ANKRD30BL: variants seen among roughly 807,000 people sequenced by gnomAD.
The protein encoded by ANKRD30BL is putative ankyrin repeat domain-containing protein 30B-like.
ANKRD30BL carries 20 observed loss-of-function variants against 18.4 expected under a neutral mutation model. The observed-to-expected ratio is 1.09, with a 90% confidence interval of 0.77 to 1.58. The LOEUF (loss-of-function observed/expected upper bound fraction) is 1.58. Ranked by LOEUF, ANKRD30BL falls within the 40% of genes most tolerant of loss-of-function variation. ANKRD30BL has a pLI of 0.00. For missense variants in ANKRD30BL, 224 were observed against 268.6 expected, an observed-to-expected ratio of 0.83 and a Z score of 1.16; for synonymous variants, 72 against 100.9, an observed-to-expected ratio of 0.71 and a Z score of 1.72.
At chr2:132,247,203 T>A (rs1247796090) in intron 1 of ANKRD30BL, among the ~76,000 whole-genome samples, 2 of 151,518 alleles carry the variant, frequency 1.3e-5, no homozygotes, top group African/African-American at 4.8e-5. Context: ...GATGTCTGCA[T>A]TCAACTCACA....
intron 1 of ANKRD30BL, among the ~76,000 whole-genome samples, chr2:132,217,798 G>A (rs1679550160): frequency 6.6e-6 from 1 of 152,290 alleles, no homozygotes; most frequent in Admixed American, 6.5e-5. Flanking sequence ...CTAGACAGAA[G>A]CATTCTCAGA....
intron 1 of ANKRD30BL, among the ~76,000 whole-genome samples, chr2:132,213,692 T>C (rs1679416237): frequency 6.6e-6 from 1 of 152,246 alleles, no homozygotes; most frequent in African/African-American, 2.4e-5. Context: ...TTCTTTGTGA[T>C]GTGTGCATTC....
At chr2:132,187,596 G>T (rs1688591333) in intron 1 of ANKRD30BL, among the ~76,000 whole-genome samples, 1 of 151,920 alleles carries the variant, frequency 6.6e-6, no homozygotes, top group African/African-American at 2.4e-5. Context: ...TTACAGATGT[G>T]AGCCACGCCC....
intron 1 of ANKRD30BL, among the ~76,000 whole-genome samples, chr2:132,221,582 T>G (rs1409268565): frequency 2.3e-5 from 2 of 86,808 alleles, no homozygotes. Context: ...CCGCCCAGTC[T>G]GGGAGGGAGG....
intron 4 of ANKRD30BL, chr2:132,153,675 T>C: frequency 2.4e-6 from 3 of 1,265,662 alleles, no homozygotes; most frequent in South Asian, 2.3e-5. Flanking sequence ...CCATGACATA[T>C]GGCAAGCATG....
At chr2:132,166,099 C>A (rs1326207594), upstream of ANKRD30BL, among the ~76,000 whole-genome samples, 1 of 152,012 alleles carries the variant, frequency 6.6e-6, no homozygotes, top group East Asian at 1.9e-4. Flanking sequence ...CTTCCTTAAC[C>A]TGTTGATTTA....
chr2:132,154,082 T>C (rs901385803), intron 4 of ANKRD30BL, among the ~76,000 whole-genome samples: 39 of 152,228 alleles, frequency 2.6e-4, no homozygotes, highest in African/African-American at 8.4e-4. Context: ...TTAGGAATAA[T>C]ATTGTCCTGA....
At chr2:132,198,218 GC>G in intron 1 of ANKRD30BL, among the ~76,000 whole-genome samples, 1 of 150,100 alleles carries the variant, frequency 6.7e-6, no homozygotes, top group Middle Eastern at 3.5e-3. Flanking sequence ...TGTTGAAGAT[GC>G]TTAGTCTCTC....
intron 1 of ANKRD30BL, among the ~76,000 whole-genome samples, chr2:132,167,911 C>T (rs1304390925): frequency 1.3e-5 from 2 of 152,126 alleles, no homozygotes; most frequent in African/African-American, 4.8e-5. Context: ...TTCATCTGTC[C>T]ACATTCTATA....
intron 1 of ANKRD30BL, among the ~76,000 whole-genome samples, chr2:132,248,586 A>T (rs1272149593): frequency 5.3e-5 from 8 of 151,782 alleles, no homozygotes; most frequent in African/African-American, 1.7e-4. Flanking sequence ...TTTCTCTGAA[A>T]TCTTCTGTCT....
At chr2:132,231,075 G>C (rs1679996842) in intron 1 of ANKRD30BL, among the ~76,000 whole-genome samples, 1 of 151,608 alleles carries the variant, frequency 6.6e-6, no homozygotes, top group Non-Finnish European at 1.5e-5. Context: ...TTTTGAAAGA[G>C]CAGGTTTGAA....
chr2:132,216,796 A>T (rs1469125491), intron 1 of ANKRD30BL, among the ~76,000 whole-genome samples: 1 of 152,168 alleles, frequency 6.6e-6, no homozygotes, highest in Non-Finnish European at 1.5e-5. Context: ...CTTCTTTGTG[A>T]TGTGTACATT....
At chr2:132,198,191 A>T (rs558200389) in intron 1 of ANKRD30BL, among the ~76,000 whole-genome samples, 7 of 148,062 alleles carry the variant, frequency 4.7e-5, no homozygotes, top group East Asian at 4.0e-4. Flanking sequence ...TATAGTTTTT[A>T]TTATTTTCAT....
In ANKRD30BL at chr2:132,234,403, T is replaced by A. The variant is rs537590353; in HGVS notation, n.441+23126A>T. On this transcript the variant is annotated intron_variant and non_coding_transcript_variant, in intron 1 of 4. Transcript: ENST00000470729. ...AAAAATTAATGAATCCAGGAGCTGG[T>A]TTTTTGAAAGGATCAACAAAATTGA... is the stretch of plus-strand genomic sequence containing the variant. Among the ~76,000 whole-genome samples the A allele has an allele frequency of 2.2e-3, 337 of 151,898 alleles. 1 individual carries two copies. Among genetic ancestry groups the A allele is most frequent in the African/African-American group, 7.3e-3 (302 of 41,430 alleles).
chr2:132,188,578 C>T (rs1378684360), intron 1 of ANKRD30BL, among the ~76,000 whole-genome samples: 1 of 152,094 alleles, frequency 6.6e-6, no homozygotes, highest in Non-Finnish European at 1.5e-5. Context: ...GGCATGGTGG[C>T]AGGTGCCTGT....
At chr2:132,197,843 T>C (rs942102873) in intron 1 of ANKRD30BL, among the ~76,000 whole-genome samples, 4 of 151,980 alleles carry the variant, frequency 2.6e-5, no homozygotes, top group Admixed American at 6.5e-5. Flanking sequence ...CACTGTCTTA[T>C]CTAATTACCC....
intron 1 of ANKRD30BL, among the ~76,000 whole-genome samples, chr2:132,225,058 TTAA>T (rs1196291996): frequency 6.6e-6 from 1 of 151,740 alleles, no homozygotes; most frequent in African/African-American, 2.4e-5. Flanking sequence ...TTGAACATTC[TTAA>T]TAATAGAGCA....
intron 1 of ANKRD30BL, among the ~76,000 whole-genome samples, chr2:132,215,233 G>A (rs1679465799): frequency 6.6e-6 from 1 of 152,382 alleles, no homozygotes; most frequent in African/African-American, 2.4e-5. Flanking sequence ...TGTGATGTGT[G>A]CATTCATCTC....
Position 132,250,922 on chromosome 2 carries a change from T to A in ANKRD30BL, n.441+6607A>T, listed in dbSNP as rs1680633162. ...TCACTTTTCATTTTTGGGGGTCCAG[T>A]ACAAAGTTAGTAACAAATAAACACT... On this transcript the variant is annotated intron_variant and non_coding_transcript_variant, in intron 1 of 4. Coordinates refer to the ANKRD30BL transcript ENST00000470729. Among the ~76,000 whole-genome samples, 3 of 152,292 alleles carry A rather than the reference T, an allele frequency of 2.0e-5. No individual in the cohort carries two copies. In the South Asian group the frequency reaches 6.2e-4, roughly 32 times the overall value.
Sources: allele counts gnomAD v4.1 joint callset (sites outside exome capture counted in the v4.1 genomes callset), GRCh38; gene constraint gnomAD v4.1.1; transcripts MANE v1.5; gene names NCBI Gene and HGNC (gene_info 2026-07-23, HGNC 2026-07-21).